The following PTPRD variants were observed in gnomAD, a reference collection of about 807,000 sequenced individuals.
PTPRD encodes protein tyrosine phosphatase receptor type D.
In PTPRD, 34 loss-of-function variants were observed where a neutral mutation model predicts 214.5. The ratio of observed to expected loss-of-function variants is 0.16; its 90% CI spans 0.12 to 0.21. The LOEUF is 0.21. Ranked by LOEUF, PTPRD falls within the 10% of genes least tolerant of loss-of-function variation. The probability of loss-of-function intolerance (pLI) is 1.00; values close to 1 mark genes in which losing one functional copy is unlikely to be tolerated. For missense variants in PTPRD, 2,545 were observed against 2,398.7 expected (o/e 1.06, Z -1.27); for synonymous variants, 1,128 against 845.7 (o/e 1.33, Z -5.79).
intron 5 of PTPRD, among the ~76,000 whole-genome samples, chr9:9,935,429 A>G (rs1301259463): frequency 1.3e-5 from 2 of 152,062 alleles, no homozygotes; most frequent in African/African-American, 4.8e-5. Flanking sequence ...TTATACACCA[A>G]CAACAGACAA....
At chr9:10,611,915 CCTT>C (rs1279386079) in intron 2 of PTPRD, among the ~76,000 whole-genome samples, 1 of 150,022 alleles carries the variant, frequency 6.7e-6, no homozygotes, top group Non-Finnish European at 1.5e-5. Context: ...GCCCCCCCCC[CCTT>C]TTTTTTTCTA....
intron 8 of PTPRD, among the ~76,000 whole-genome samples, chr9:9,468,703 C>CAT (rs1161511797): frequency 6.6e-6 from 1 of 151,868 alleles, no homozygotes; most frequent in Non-Finnish European, 1.5e-5. Context: ...TCTAAAAATG[C>CAT]ATATATATAG....
intron 10 of PTPRD, among the ~76,000 whole-genome samples, chr9:9,133,236 G>C (rs1025847637): frequency 2.0e-5 from 3 of 152,162 alleles, no homozygotes; most frequent in African/African-American, 7.2e-5. Flanking sequence ...GTGTTGGCTG[G>C]CAGATAGATG....
chr9:9,467,298 G>C (rs577750775), intron 8 of PTPRD, among the ~76,000 whole-genome samples: 2 of 134,266 alleles, frequency 1.5e-5, no homozygotes, highest in East Asian at 4.5e-4. Context: ...TATCCTAGAA[G>C]TTGAACAGGC....
intron 3 of PTPRD, among the ~76,000 whole-genome samples, chr9:10,037,586 A>G (rs1040321260): frequency 1.3e-5 from 2 of 151,812 alleles, no homozygotes. Flanking sequence ...AGTGGAAAAA[A>G]AAAAAAAAAA....
chr9:9,962,698 A>G (rs532932690), intron 4 of PTPRD, among the ~76,000 whole-genome samples: 3 of 152,074 alleles, frequency 2.0e-5, no homozygotes, highest in Non-Finnish European at 4.4e-5. Flanking sequence ...TAATTGTTGT[A>G]TGTATCTACA....
chr9:9,932,189 C>A (rs986987710), intron 5 of PTPRD, among the ~76,000 whole-genome samples: 1 of 150,774 alleles, frequency 6.6e-6, no homozygotes, highest in South Asian at 2.1e-4. Flanking sequence ...TCCAAAGGAA[C>A]GCAGTTCCTC....
chr9:9,194,637 G>C (rs1277719376), intron 9 of PTPRD, among the ~76,000 whole-genome samples: 1 of 152,146 alleles, frequency 6.6e-6, no homozygotes, highest in Admixed American at 6.5e-5. Flanking sequence ...AGACAGACAA[G>C]AGGAATGTGC....
At chr9:8,917,780 A>G (rs2098797258) in intron 11 of PTPRD, among the ~76,000 whole-genome samples, 1 of 152,206 alleles carries the variant, frequency 6.6e-6, no homozygotes, top group African/African-American at 2.4e-5. Context: ...ACATAATTAA[A>G]TGGAACATTT....
chr9:10,075,200 T>A (rs2098113891), intron 3 of PTPRD, among the ~76,000 whole-genome samples: 1 of 152,074 alleles, frequency 6.6e-6, no homozygotes, highest in Non-Finnish European at 1.5e-5. Context: ...TAACCTACAT[T>A]CATTTTTATT....
At chr9:9,283,994 C>A (rs117753278) in intron 9 of PTPRD, among the ~76,000 whole-genome samples, 1 of 151,588 alleles carries the variant, frequency 6.6e-6, no homozygotes. Flanking sequence ...AATAACTCAA[C>A]CACGTTATAA....
chr9:9,389,916 CAAATA>C (rs1224242993), intron 9 of PTPRD, among the ~76,000 whole-genome samples: 16 of 152,126 alleles, frequency 1.1e-4, no homozygotes, highest in African/African-American at 3.6e-4. Context: ...AAAGGCTGGA[CAAATA>C]AATAGATTTA....
At chr9:10,245,747 CA>C (rs113660470) in intron 3 of PTPRD, among the ~76,000 whole-genome samples, 10 of 152,120 alleles carry the variant, frequency 6.6e-5, no homozygotes, top group East Asian at 1.9e-4. Context: ...TGTATTGGGA[CA>C]GGGGGAAGAC....
chr9:9,097,889 C>T (rs1449694425), intron 10 of PTPRD, among the ~76,000 whole-genome samples: 1 of 152,050 alleles, frequency 6.6e-6, no homozygotes, highest in African/African-American at 2.4e-5. Flanking sequence ...GGTTTGTGTA[C>T]TATCCAATAC....
At position 8,314,260 on chromosome 9, in the gene PTPRD, A is replaced by G. The variant is rs943895765; in HGVS notation, c.*3614T>C. ...AAGGCCAGGGCTGCATAACACTGACATTTTTATTAGAATTCATTTGTAACA... is the reference window on the plus strand; with the variant it reads ...AAGGCCAGGGCTGCATAACACTGACGTTTTTATTAGAATTCATTTGTAACA... On this transcript the variant is annotated 3_prime_UTR_variant, in exon 46 of 46. Coordinates refer to ENST00000381196, the MANE Select transcript of PTPRD (RefSeq NM_002839.4). 4.7e-6 allele frequency: 1 copy of G among 211,470 alleles called. No individual in the cohort carries two copies. The allele number at this position is 211,470 out of a possible 1,614,324, so 13.1% of individuals were successfully genotyped here.
At chr9:8,695,785 A>C (rs559607747) in intron 12 of PTPRD, among the ~76,000 whole-genome samples, 1 of 152,342 alleles carries the variant, frequency 6.6e-6, no homozygotes, top group South Asian at 2.1e-4. Flanking sequence ...TCCCTACTTA[A>C]GAAAGCCTTC....
intron 14 of PTPRD, among the ~76,000 whole-genome samples, chr9:8,600,024 G>A (rs2094740091): frequency 6.6e-6 from 1 of 152,168 alleles, no homozygotes; most frequent in African/African-American, 2.4e-5. Flanking sequence ...AAAGACAGTG[G>A]TGAATTGCCC....
chr9:9,271,431 T>C (rs1243717765), intron 9 of PTPRD, among the ~76,000 whole-genome samples: 4 of 151,358 alleles, frequency 2.6e-5, no homozygotes, highest in Non-Finnish European at 4.4e-5. Context: ...ATTTCATTCC[T>C]GTTATGTTGC....
intron 10 of PTPRD, among the ~76,000 whole-genome samples, chr9:9,088,033 C>A (rs1026700705): frequency 2.0e-5 from 3 of 151,544 alleles, no homozygotes; most frequent in South Asian, 2.1e-4. Flanking sequence ...AAGCGTGCAC[C>A]ACCATGCCTG....
Sources: gnomAD v4.1 joint callset for allele counts (sites outside exome capture counted in the v4.1 genomes callset) on GRCh38, gnomAD v4.1.1 for gene constraint, MANE v1.5 for transcripts, NCBI Gene and HGNC (gene_info 2026-07-23, HGNC 2026-07-21) for gene names.